Variants in VRK2 observed in about 807,000 individuals in gnomAD.
VRK2 encodes the protein VRK serine/threonine kinase 2, also known as serine/threonine-protein kinase VRK2.
A neutral mutation model predicts 57.6 loss-of-function variants in VRK2; 60 were observed. The ratio of observed to expected loss-of-function variants is 1.04; its 90% CI spans 0.85 to 1.29. The LOEUF (loss-of-function observed/expected upper bound fraction) is 1.29, where lower values mean the gene tolerates loss of function less well. VRK2 is among the 50% of genes most tolerant of loss of function. The pLI is 0.00. For missense variants in VRK2, 705 were observed against 588.1 expected (o/e 1.20, Z -2.06); for synonymous variants, 231 against 199.2 (o/e 1.16, Z -1.35).
intron 1 of VRK2, among the ~76,000 whole-genome samples, chr2:58,023,012 A>G (rs1399029034): frequency 6.6e-6 from 1 of 152,230 alleles, no homozygotes; most frequent in Non-Finnish European, 1.5e-5. Context: ...AACCATTTCA[A>G]AAGAGTATAG....
At chr2:57,945,150 GA>G (rs1671221972) in intron 1 of VRK2, among the ~76,000 whole-genome samples, 1 of 152,066 alleles carries the variant, frequency 6.6e-6, no homozygotes, top group Admixed American at 6.5e-5. Flanking sequence ...TCCAAGAAAA[GA>G]AATGTCAAGT....
intron 1 of VRK2, among the ~76,000 whole-genome samples, chr2:58,004,727 T>C (rs1339177323): frequency 1.3e-5 from 2 of 152,172 alleles, no homozygotes; most frequent in African/African-American, 2.4e-5. Flanking sequence ...CCCTTTCATA[T>C]ATGTGGTAAT....
intron 2 of VRK2, among the ~76,000 whole-genome samples, chr2:58,082,550 G>A (rs979556230): frequency 1.3e-5 from 2 of 151,700 alleles, no homozygotes; most frequent in East Asian, 1.9e-4. Flanking sequence ...TTTGTCATAG[G>A]GTGGGAACAA....
chr2:57,945,812 A>G (rs1466856590), intron 1 of VRK2, among the ~76,000 whole-genome samples: 1 of 152,176 alleles, frequency 6.6e-6, no homozygotes, highest in Non-Finnish European at 1.5e-5. Flanking sequence ...AAAAAGACCT[A>G]TCAGTGCAAC....
In VRK2 at chr2:57,910,473, T is replaced by G. The variant is rs971010311; in HGVS notation, c.-439+2634T>G. On this transcript the variant is annotated intron_variant, in intron 1 of 15. Coordinates refer to the VRK2 transcript ENST00000417641. ...AAGAGAAATTCATACAGGGTTTATC[T>G]CTGTAGATTCTGAAGACAAAATGGA... Among the ~76,000 whole-genome samples the G allele has an allele frequency of 2.6e-5, 4 of 152,172 alleles. No individual in the cohort carries two copies. In the South Asian group the frequency reaches 6.2e-4, roughly 24 times the overall value.
chr2:58,026,563 A>C (rs367783812), intron 2 of VRK2, among the ~76,000 whole-genome samples: 2 of 152,272 alleles, frequency 1.3e-5, no homozygotes, highest in East Asian at 3.9e-4. Flanking sequence ...TTAAAAGAGT[A>C]TGGTTCTGTT....
At chr2:58,043,148 G>A (rs114171588), upstream of VRK2, among the ~76,000 whole-genome samples, 2,373 of 152,102 alleles carry the variant, frequency 0.016, 70 homozygotes, top group African/African-American at 0.054. Context: ...GAAGATTTTG[G>A]CTGCAAGAAA....
chr2:58,104,441 G>A (rs550226460), intron 7 of VRK2, among the ~76,000 whole-genome samples: 33 of 150,202 alleles, frequency 2.2e-4, no homozygotes, highest in African/African-American at 7.5e-4. Context: ...GAACCAAATC[G>A]AAAAGGCAAT....
intron 2 of VRK2, among the ~76,000 whole-genome samples, chr2:58,051,034 G>A (rs552483336): frequency 3.3e-5 from 5 of 152,222 alleles, no homozygotes; most frequent in Admixed American, 6.5e-5. Flanking sequence ...TAGTAGAAAC[G>A]GGGTTTTGCC....
At chr2:58,023,383 A>G (rs1489274538) in intron 1 of VRK2, among the ~76,000 whole-genome samples, 2 of 152,284 alleles carry the variant, frequency 1.3e-5, no homozygotes, top group Admixed American at 6.5e-5. Flanking sequence ...CAAAATTTCT[A>G]TATACATACA....
At chr2:57,996,717 TA>T (rs556148213) in intron 1 of VRK2, among the ~76,000 whole-genome samples, 336 of 152,260 alleles carry the variant, frequency 2.2e-3, no homozygotes, top group Admixed American at 5.6e-3. Flanking sequence ...TTTTTTATTA[TA>T]TTTTTTCCAA....
At chr2:58,149,021 C>A (rs1431812164) in intron 12 of VRK2, among the ~76,000 whole-genome samples, 1 of 151,700 alleles carries the variant, frequency 6.6e-6, no homozygotes, top group Non-Finnish European at 1.5e-5. Flanking sequence ...TGTTAGTTTC[C>A]ACCAAAAAAT....
At chr2:58,120,966 C>T (rs912941754) in intron 7 of VRK2, among the ~76,000 whole-genome samples, 2 of 152,196 alleles carry the variant, frequency 1.3e-5, no homozygotes, top group African/African-American at 2.4e-5. Context: ...ATATTGCACT[C>T]GCCTCTCTCC....
chr2:58,026,318 GA>G, intron 2 of VRK2, among the ~76,000 whole-genome samples: 1 of 152,122 alleles, frequency 6.6e-6, no homozygotes, highest in Non-Finnish European at 1.5e-5. Context: ...ACATGTGTGA[GA>G]AAGAGAAAGT....
chr2:58,150,856 T>A (rs1225514709), intron 12 of VRK2, among the ~76,000 whole-genome samples: 1 of 151,668 alleles, frequency 6.6e-6, no homozygotes, highest in Non-Finnish European at 1.5e-5. Context: ...CAATGTATTT[T>A]CTAATGTCCC....
intron 1 of VRK2, among the ~76,000 whole-genome samples, chr2:57,989,711 C>A (rs984839285): frequency 6.6e-6 from 1 of 152,102 alleles, no homozygotes; most frequent in African/African-American, 2.4e-5. Context: ...ATAAAGTATT[C>A]ATATAATAAA....
chr2:57,984,286 AAAC>A (rs1672524896), intron 1 of VRK2, among the ~76,000 whole-genome samples: 1 of 152,188 alleles, frequency 6.6e-6, no homozygotes, highest in Non-Finnish European at 1.5e-5. Flanking sequence ...AAAAAAAAGC[AAAC>A]AACAATAAAA....
At chr2:58,138,805 T>C (rs1680908490) in intron 10 of VRK2, among the ~76,000 whole-genome samples, 2 of 152,182 alleles carry the variant, frequency 1.3e-5, no homozygotes, top group African/African-American at 4.8e-5. Context: ...TGTGAACAAA[T>C]GAAAACATGC....
At chr2:58,019,934 A>G (rs1455590407) in intron 1 of VRK2, among the ~76,000 whole-genome samples, 1 of 152,244 alleles carries the variant, frequency 6.6e-6, no homozygotes, top group Non-Finnish European at 1.5e-5. Context: ...GCACTTTAGG[A>G]ATGGATTTAA....
Sources: allele counts gnomAD v4.1 joint callset (sites outside exome capture counted in the v4.1 genomes callset), GRCh38; gene constraint gnomAD v4.1.1; transcripts MANE v1.5; gene names NCBI Gene and HGNC (gene_info 2026-07-23, HGNC 2026-07-21).